Variants in RALGAPA1 observed in about 807,000 individuals in gnomAD.
RALGAPA1 encodes Ral GTPase activating protein catalytic subunit alpha 1.
A neutral mutation model predicts 269.6 loss-of-function variants in RALGAPA1; 52 were observed. The ratio of observed to expected loss-of-function variants is 0.19; its 90% CI spans 0.15 to 0.24. The LOEUF (loss-of-function observed/expected upper bound fraction) is 0.24. Ranked by LOEUF, RALGAPA1 falls within the 10% of genes least tolerant of loss-of-function variation. The probability of loss-of-function intolerance (pLI) is 1.00; values close to 1 mark genes in which losing one functional copy is unlikely to be tolerated. For synonymous variants in RALGAPA1, 817 were observed against 1,008.3 expected (o/e 0.81, Z 3.60); for missense variants, 1,917 against 3,013.9 (o/e 0.64, Z 8.52).
chr14:35,601,782 C>T (rs887478043), intron 36 of RALGAPA1, among the ~76,000 whole-genome samples: 2 of 152,290 alleles, frequency 1.3e-5, no homozygotes, highest in South Asian at 4.1e-4. Flanking sequence ...ATGTCTTATG[C>T]TTATTGTACT....
chr14:35,805,955 TG>T (rs1289469701), intron 1 of RALGAPA1, among the ~76,000 whole-genome samples: 3 of 152,142 alleles, frequency 2.0e-5, no homozygotes, highest in Non-Finnish European at 4.4e-5. Flanking sequence ...CCCCAAGTCC[TG>T]GGATTACAGG....
intron 37 of RALGAPA1, among the ~76,000 whole-genome samples, chr14:35,576,943 A>C (rs2057604118): frequency 6.6e-6 from 1 of 152,236 alleles, no homozygotes; most frequent in Admixed American, 6.5e-5. Flanking sequence ...ACTCTTATTA[A>C]GACCACATTT....
intron 41 of RALGAPA1, among the ~76,000 whole-genome samples, chr14:35,547,773 C>T (rs192401088): frequency 2.3e-4 from 35 of 151,984 alleles, no homozygotes; most frequent in Middle Eastern, 3.4e-3. Context: ...TGGTTTAATA[C>T]GGTTTTGTCT....
chr14:35,772,132 C>T (rs1387206596), intron 3 of RALGAPA1, among the ~76,000 whole-genome samples: 2 of 152,014 alleles, frequency 1.3e-5, no homozygotes, highest in Non-Finnish European at 2.9e-5. Context: ...CATAACTCAC[C>T]ACAGCCACAA....
intron 31 of RALGAPA1, among the ~76,000 whole-genome samples, 158 bp from the exon 32 acceptor site, chr14:35,635,756 A>G (rs2061628632): frequency 6.6e-6 from 1 of 152,226 alleles, no homozygotes; most frequent in Admixed American, 6.5e-5. Flanking sequence ...ATTTTAAGAT[A>G]TTGTATATGA....
At chr14:35,660,622 C>T (rs2063478961) in intron 27 of RALGAPA1, among the ~76,000 whole-genome samples, 2 of 151,940 alleles carry the variant, frequency 1.3e-5, no homozygotes. Context: ...ATGAAATTAG[C>T]ATGTCAAAGA....
At chr14:35,806,016 CTGTCTA>C (rs1321853154) in intron 1 of RALGAPA1, among the ~76,000 whole-genome samples, 2 of 152,072 alleles carry the variant, frequency 1.3e-5, no homozygotes, top group Non-Finnish European at 2.9e-5. Context: ...CTGATTGTCA[CTGTCTA>C]TATTTGTTAT....
rs1329511716 is a variant in RALGAPA1 at position 35,755,469 on chromosome 14, A to C, written c.663+1324T>G. Among the ~76,000 whole-genome samples, 6 of 152,352 alleles carry C rather than the reference A, an allele frequency of 3.9e-5. 1 individual carries two copies. The South Asian group carries it at 1.2e-3, about 32-fold the overall frequency. On this transcript the variant is annotated intron_variant, in intron 7 of 41. Coordinates refer to ENST00000680220, the MANE Select transcript of RALGAPA1 (RefSeq NM_001346249.2). ...ATGTATACACATAATAAAATTCATTAAACTGTAAATTTCAAATATTGCAGT... is the reference window on the plus strand; with the variant it reads ...ATGTATACACATAATAAAATTCATTCAACTGTAAATTTCAAATATTGCAGT...
At chr14:35,545,505 C>A (rs1036729835) in intron 41 of RALGAPA1, among the ~76,000 whole-genome samples, 1 of 151,750 alleles carries the variant, frequency 6.6e-6, no homozygotes, top group African/African-American at 2.4e-5. Flanking sequence ...CCCCTATATT[C>A]TCCAAAAGTA....
At chr14:35,720,659 GC>G (rs1358651631) in intron 16 of RALGAPA1, among the ~76,000 whole-genome samples, 58 of 152,278 alleles carry the variant, frequency 3.8e-4, no homozygotes, top group African/African-American at 1.3e-3. Context: ...GGGTGCCATG[GC>G]TCACACCTGT....
At chr14:35,565,321 TTA>T (rs2056602731) in intron 39 of RALGAPA1, among the ~76,000 whole-genome samples, 2 of 149,762 alleles carry the variant, frequency 1.3e-5, no homozygotes, top group East Asian at 3.9e-4. Context: ...CTGTTATATT[TTA>T]TAATATTAAT....
intron 31 of RALGAPA1, among the ~76,000 whole-genome samples, chr14:35,637,473 A>G (rs1049890744): frequency 2.0e-5 from 3 of 152,226 alleles, no homozygotes; most frequent in Non-Finnish European, 4.4e-5. Flanking sequence ...CGGATAATGC[A>G]GAAAAAAGAA....
intron 31 of RALGAPA1, among the ~76,000 whole-genome samples, chr14:35,644,642 T>C (rs1020877146): frequency 2.0e-5 from 3 of 152,150 alleles, no homozygotes; most frequent in African/African-American, 7.2e-5. Flanking sequence ...TCCAGATAAA[T>C]AATCAATATG....
At chr14:35,788,844 T>C (rs1354652293) in intron 1 of RALGAPA1, among the ~76,000 whole-genome samples, 1 of 152,226 alleles carries the variant, frequency 6.6e-6, no homozygotes, top group Non-Finnish European at 1.5e-5. Flanking sequence ...CAAGGAATGC[T>C]GACTTTAATG....
intron 39 of RALGAPA1, among the ~76,000 whole-genome samples, chr14:35,549,674 C>A (rs1039433327): frequency 2.6e-5 from 4 of 152,104 alleles, no homozygotes; most frequent in African/African-American, 9.7e-5. Context: ...GATACTACGT[C>A]CAAAATTCTG....
At chr14:35,641,105 G>A (rs1489790712) in intron 31 of RALGAPA1, among the ~76,000 whole-genome samples, 1 of 151,972 alleles carries the variant, frequency 6.6e-6, no homozygotes, top group Non-Finnish European at 1.5e-5. Flanking sequence ...CATAATAAAA[G>A]CCATATTAGG....
intron 26 of RALGAPA1, among the ~76,000 whole-genome samples, chr14:35,669,262 ATT>A (rs200326226): frequency 6.6e-6 from 1 of 150,782 alleles, no homozygotes; most frequent in Non-Finnish European, 1.5e-5. Context: ...ATCTTTCTTT[ATT>A]TTTTTTTGAG....
rs2071237486 is a variant in RALGAPA1 at position 35,738,414 on chromosome 14, G to A, written c.1587+99C>T. 5 of 794,418 alleles carry A rather than the reference G, an allele frequency of 6.3e-6. No individual in the cohort carries two copies. The Admixed American group carries it at 1.5e-4, about 24-fold the overall frequency. The allele number at this position is 794,418 out of a possible 1,614,324, so 49.2% of individuals were successfully genotyped here. A position where few individuals can be genotyped will look rare whatever the true frequency, so the allele number is the denominator to read the frequency against. On this transcript the variant is annotated intron_variant, in intron 12 of 41. Transcript: ENST00000680220. ...TGGCATAATGATAAATATAGGTGGT[G>A]AATTTATTATATTGTGAAAAGTATA...
intron 26 of RALGAPA1, among the ~76,000 whole-genome samples, chr14:35,668,150 A>C (rs1487626954): frequency 6.6e-6 from 1 of 152,144 alleles, no homozygotes; most frequent in Non-Finnish European, 1.5e-5. Flanking sequence ...GGAAGCAGGG[A>C]AAGGAGGAAA....
Sources: gnomAD v4.1 joint callset for allele counts (sites outside exome capture counted in the v4.1 genomes callset) on GRCh38, gnomAD v4.1.1 for gene constraint, MANE v1.5 for transcripts, NCBI Gene and HGNC (gene_info 2026-07-23, HGNC 2026-07-21) for gene names.